Variants in PLPP1 observed in about 807,000 individuals in gnomAD.
PLPP1 encodes the protein phospholipid phosphatase 1, also known as lipid phosphate phosphohydrolase 1a.
Under a neutral mutation model 31.2 loss-of-function variants are expected in PLPP1, and 24 were observed. The observed-to-expected ratio is 0.77, with a 90% CI of 0.56 to 1.08. The LOEUF (loss-of-function observed/expected upper bound fraction) is 1.08, where lower values mean the gene tolerates loss of function less well. PLPP1 is among the 50% of genes least tolerant of loss of function. The pLI, the probability that PLPP1 is intolerant of heterozygous loss-of-function variation, is 0.00. For missense variants in PLPP1, 319 were observed against 342.7 expected (o/e 0.93, Z 0.55); for synonymous variants, 146 against 126.3 (o/e 1.16, Z -1.05).
At chr5:55,471,206 T>C (rs1271870123) in intron 2 of PLPP1, among the ~76,000 whole-genome samples, 4 of 151,634 alleles carry the variant, frequency 2.6e-5, no homozygotes, top group East Asian at 1.9e-4. Context: ...GATCAGATTT[T>C]TTTTTTTTTT....
At chr5:55,472,838 G>A (rs891032803) in intron 2 of PLPP1, among the ~76,000 whole-genome samples, 1 of 152,170 alleles carries the variant, frequency 6.6e-6, no homozygotes, top group African/African-American at 2.4e-5. Context: ...TAATTCATGA[G>A]TTTTTGCTAA....
intron 4 of PLPP1, among the ~76,000 whole-genome samples, chr5:55,435,819 G>A (rs961172882): frequency 1.3e-4 from 19 of 151,978 alleles, no homozygotes; most frequent in Admixed American, 1.2e-3. Context: ...TGGCAACCCC[G>A]ACGCCTCAGA....
intron 1 of PLPP1, chr5:55,530,528 C>T: frequency 8.2e-7 from 1 of 1,213,624 alleles, no homozygotes; most frequent in Non-Finnish European, 1.2e-6. Context: ...CTTCAGAGAT[C>T]TGAAAGTTTG....
chr5:55,461,591 A>T (rs1020856695), intron 3 of PLPP1, among the ~76,000 whole-genome samples: 2 of 151,848 alleles, frequency 1.3e-5, no homozygotes, highest in Admixed American at 6.6e-5. Context: ...AACAAAAAGC[A>T]TCTACAAAAA....
chr5:55,431,303 A>T (rs1751341809), intron 4 of PLPP1, among the ~76,000 whole-genome samples: 1 of 152,240 alleles, frequency 6.6e-6, no homozygotes. Context: ...AAAAGTATCA[A>T]GTCACTTAGA....
intron 4 of PLPP1, among the ~76,000 whole-genome samples, chr5:55,437,270 T>G (rs545472598): frequency 6.6e-6 from 1 of 152,240 alleles, no homozygotes; most frequent in Non-Finnish European, 1.5e-5. Flanking sequence ...GAGATATTTT[T>G]TGAAGCTGTT....
chr5:55,507,337 C>T (rs1156966371), intron 1 of PLPP1, among the ~76,000 whole-genome samples: 1 of 152,078 alleles, frequency 6.6e-6, no homozygotes, highest in African/African-American at 2.4e-5. Flanking sequence ...AGATGAATAT[C>T]TGGAATTATC....
chr5:55,468,414 G>T, intron 2 of PLPP1: 1 of 301,276 alleles, frequency 3.3e-6, no homozygotes, highest in East Asian at 6.2e-5. Context: ...AAAATAACAA[G>T]ATCTTATTTT....
chr5:55,528,664 C>T (rs1740556611), intron 1 of PLPP1, among the ~76,000 whole-genome samples: 1 of 152,100 alleles, frequency 6.6e-6, no homozygotes, highest in East Asian at 1.9e-4. Flanking sequence ...AAACATCGCG[C>T]CTTTTCCAAA....
At position 55,534,560 on chromosome 5, in the gene PLPP1, G is replaced by A. The variant is rs902485206; in HGVS notation, c.58+12C>T. ...CCGCACACGCCCCTCGGACCCGGCG[G>A]CGCGTACGTACCCAGCAACACGCAG... is the stretch of plus-strand genomic sequence containing the variant. On this transcript the variant is annotated intron_variant, in intron 1 of 5. Transcript: ENST00000307259. 1 of 1,531,840 alleles carries A rather than the reference G, an allele frequency of 6.5e-7. No homozygotes were observed. The highest frequency in any genetic ancestry group is 2.6e-5 in the East Asian group (1 of 37,964). The allele number at this position is 1,531,840 out of a possible 1,614,324, so 94.9% of individuals were successfully genotyped here.
chr5:55,469,310 A>C (rs923518670), intron 2 of PLPP1, among the ~76,000 whole-genome samples: 2 of 152,014 alleles, frequency 1.3e-5, no homozygotes, highest in African/African-American at 4.8e-5. Flanking sequence ...CAATATGGTG[A>C]AACCCCATCT....
chr5:55,499,700 T>C (rs566474651), intron 1 of PLPP1, among the ~76,000 whole-genome samples: 27 of 151,912 alleles, frequency 1.8e-4, no homozygotes, highest in Non-Finnish European at 3.5e-4. Context: ...AATAAATAAA[T>C]AGTTAATAAT....
At chr5:55,468,517 T>C (rs1752353243) in intron 2 of PLPP1, among the ~76,000 whole-genome samples, 1 of 151,990 alleles carries the variant, frequency 6.6e-6, no homozygotes, top group South Asian at 2.1e-4. Context: ...AAAACAAACT[T>C]CCAGCCGGGT....
intron 2 of PLPP1, among the ~76,000 whole-genome samples, chr5:55,471,761 T>C (rs1561236045): frequency 1.3e-5 from 2 of 152,224 alleles, no homozygotes; most frequent in African/African-American, 4.8e-5. Flanking sequence ...GTTAAATGTA[T>C]ACAAGTCTAA....
intron 4 of PLPP1, 114 bp downstream of exon 4, chr5:55,441,737 C>T: frequency 9.1e-7 from 1 of 1,095,660 alleles, no homozygotes. Flanking sequence ...TGCAGATCAT[C>T]TGTTTCACCT....
At chr5:55,458,912 A>AAAC (rs1752086465) in intron 3 of PLPP1, among the ~76,000 whole-genome samples, 1 of 149,440 alleles carries the variant, frequency 6.7e-6, no homozygotes, top group Non-Finnish European at 1.5e-5. Flanking sequence ...AAAAAAAAAA[A>AAAC]AAAACACATA....
intron 1 of PLPP1, among the ~76,000 whole-genome samples, chr5:55,518,192 G>A (rs1397485699): frequency 6.6e-6 from 1 of 152,140 alleles, no homozygotes; most frequent in African/African-American, 2.4e-5. Flanking sequence ...CTCTAGAGAA[G>A]CACTCATCTA....
intron 1 of PLPP1, among the ~76,000 whole-genome samples, chr5:55,498,127 T>C (rs781131881): frequency 2.3e-4 from 35 of 152,240 alleles, no homozygotes; most frequent in Admixed American, 2.6e-4. Context: ...GGGCTATTTA[T>C]AGAGTCTATA....
chr5:55,456,286 A>G (rs1013208167), intron 3 of PLPP1, among the ~76,000 whole-genome samples: 7 of 152,186 alleles, frequency 4.6e-5, no homozygotes, highest in Non-Finnish European at 8.8e-5. Context: ...CAGAGCGCAA[A>G]AGTGTGCTAC....
Sources: gnomAD v4.1 joint callset for allele counts (sites outside exome capture counted in the v4.1 genomes callset) on GRCh38, gnomAD v4.1.1 for gene constraint, MANE v1.5 for transcripts, NCBI Gene and HGNC (gene_info 2026-07-23, HGNC 2026-07-21) for gene names.